The following CNKSR2 variants were observed in gnomAD, a reference collection of about 807,000 sequenced individuals.
CNKSR2 encodes the protein connector enhancer of kinase suppressor of Ras 2.
A neutral mutation model predicts 84.4 loss-of-function variants in CNKSR2; 14 were observed. The ratio of observed to expected loss-of-function variants is 0.17; its 90% CI spans 0.11 to 0.26. The LOEUF is 0.26. Among genes scored for constraint, CNKSR2 ranks in the 10% least tolerant of loss-of-function variants. The probability of loss-of-function intolerance (pLI) is 1.00; values close to 1 mark genes in which losing one functional copy is unlikely to be tolerated. For missense variants in CNKSR2, 485 were observed against 771.2 expected (o/e 0.63, Z 4.40); for synonymous variants, 275 against 277.9 (o/e 0.99, Z 0.10).
intron 20 of CNKSR2, among the ~76,000 whole-genome samples, chrX:21,635,408 G>GTATA (rs1199258753): frequency 2.3e-5 from 2 of 88,515 alleles, no homozygotes; most frequent in African/African-American, 4.8e-5. Context: ...GTGTGTGTGT[G>GTATA]TATATATACA....
chrX:21,462,314 T>C (rs1012820019), intron 4 of CNKSR2, among the ~76,000 whole-genome samples: 1 of 112,286 alleles, frequency 8.9e-6, no homozygotes, highest in Non-Finnish European at 1.9e-5. Context: ...GGGATTATTT[T>C]TGTTTTCTTT....
In CNKSR2 at chrX:21,374,861, T is replaced by C. The variant is rs763974461; in HGVS notation, c.-37T>C. 16 of 1,166,117 alleles carry C rather than the reference T, an allele frequency of 1.4e-5. No individual in the cohort carries two copies. Among genetic ancestry groups the C allele is most frequent in the Admixed American group, 2.2e-5 (1 of 45,975 alleles). The stretch of plus-strand genomic sequence containing the variant: ...CGGGCTGCTGAGTTCGTTTTGTGTC[T>C]GAGCTCTGCGCTCTGCACGGAACCG... On this transcript the variant is annotated 5_prime_UTR_variant, in exon 1 of 22. Transcript: ENST00000379510.
intron 11 of CNKSR2, among the ~76,000 whole-genome samples, chrX:21,549,324 A>G (rs753482593): frequency 2.7e-5 from 3 of 112,009 alleles, no homozygotes; most frequent in Admixed American, 9.4e-5. Context: ...ATTGCTACTA[A>G]GAGAATAAAA....
At chrX:21,501,963 A>G (rs1011039506) in intron 8 of CNKSR2, among the ~76,000 whole-genome samples, 1 of 109,152 alleles carries the variant, frequency 9.2e-6, no homozygotes, top group African/African-American at 3.3e-5. Flanking sequence ...TGAATTACCT[A>G]GTAGATGTTT....
intron 1 of CNKSR2, among the ~76,000 whole-genome samples, chrX:21,418,004 C>A (rs959200361): frequency 1.8e-5 from 2 of 110,966 alleles, no homozygotes; most frequent in Non-Finnish European, 3.8e-5. Flanking sequence ...TCTGTTCTAT[C>A]TTCCTTTTAG....
intron 1 of CNKSR2, among the ~76,000 whole-genome samples, chrX:21,394,888 T>C (rs1261793731): frequency 9.0e-6 from 1 of 111,534 alleles, no homozygotes; most frequent in African/African-American, 3.3e-5. Context: ...TGACTTTTCA[T>C]AGGAAAAACA....
intron 6 of CNKSR2, chrX:21,492,941 G>T (rs992232978): frequency 1.8e-5 from 2 of 111,924 alleles, no homozygotes; most frequent in Non-Finnish European, 3.8e-5. Context: ...ATGAAGGAAA[G>T]AAATAGAAAG....
rs776900578 is a variant in CNKSR2 at position 21,440,770 on chromosome X, A to G, written c.508A>G (p.Ile170Val). The change falls in exon 4 of 22, where the codon ATT becomes GTT. Residue 170 changes from isoleucine to valine, a missense_variant. Coordinates refer to ENST00000379510, the MANE Select transcript of CNKSR2 (RefSeq NM_014927.5). ...VIQLCLELTT[I>V]VQQDCTVYET... ...ACAACTCTGCCTGGAGTTAACAACA[A>G]TTGTGCAACAGGTATTAGCTGACAA... is the stretch of plus-strand genomic sequence containing the variant. The G allele has an allele frequency of 1.7e-6, 2 of 1,159,343 alleles. No individual in the cohort carries two copies. Among genetic ancestry groups the G allele is most frequent in the South Asian group, 1.9e-5 (1 of 53,443 alleles).
At chrX:21,593,077 TATG>T (rs1476923946) in intron 15 of CNKSR2, 1 of 111,024 alleles carries the variant, frequency 9.0e-6, no homozygotes, top group Non-Finnish European at 1.9e-5. Context: ...ATACCTTTAA[TATG>T]ATAATATTTT....
At chrX:21,462,340 G>A (rs760383858) in intron 4 of CNKSR2, among the ~76,000 whole-genome samples, 4 of 111,648 alleles carry the variant, frequency 3.6e-5, no homozygotes, top group East Asian at 2.8e-4. Context: ...ATTTTTCACC[G>A]TTGGTATGTA....
chrX:21,553,937 C>G (rs1481406817), intron 11 of CNKSR2, among the ~76,000 whole-genome samples: 1 of 111,606 alleles, frequency 9.0e-6, no homozygotes, highest in Non-Finnish European at 1.9e-5. Flanking sequence ...TTTATACCAA[C>G]CAGAGCCTTC....
intron 11 of CNKSR2, among the ~76,000 whole-genome samples, chrX:21,557,551 A>C (rs1439741517): frequency 9.0e-6 from 1 of 111,357 alleles, no homozygotes; most frequent in Non-Finnish European, 1.9e-5. Context: ...AACAGATATT[A>C]AAAGCCAAAT....
At chrX:21,490,779 A>C in intron 6 of CNKSR2, 1 of 289,031 alleles carries the variant, frequency 3.5e-6, no homozygotes, top group Non-Finnish European at 5.9e-6. Context: ...AATGAAGGAG[A>C]ATTGAAAATG....
At chrX:21,478,637 A>G (rs1342688067) in intron 5 of CNKSR2, among the ~76,000 whole-genome samples, 1 of 111,607 alleles carries the variant, frequency 9.0e-6, no homozygotes, top group Non-Finnish European at 1.9e-5. Flanking sequence ...GAGTCAAGTG[A>G]GGTAGAATAA....
chrX:21,538,154 G>A lies in CNKSR2; in HGVS notation c.1303+6087G>A, dbSNP rs1034117860. ...TAATGAATTCCCTCAGTCTTTTCTTGTCTGGGAAAGACTTTATTTCTCCTT... is the reference window on the plus strand; with the variant it reads ...TAATGAATTCCCTCAGTCTTTTCTTATCTGGGAAAGACTTTATTTCTCCTT... On this transcript the variant is annotated intron_variant, in intron 11 of 21. Coordinates refer to ENST00000379510, the MANE Select transcript of CNKSR2 (RefSeq NM_014927.5). 2.7e-5 allele frequency: 3 copies of A among 111,266 alleles called. No homozygotes were observed. In the South Asian group the frequency reaches 1.1e-3, roughly 42 times the overall value. The allele number at this position is 111,266 out of a possible 1,213,427, so 9.2% of individuals were successfully genotyped here. A position where few individuals can be genotyped will look rare whatever the true frequency, so the allele number is the denominator to read the frequency against.
At chrX:21,396,226 C>A (rs2090120126) in intron 1 of CNKSR2, among the ~76,000 whole-genome samples, 1 of 110,191 alleles carries the variant, frequency 9.1e-6, no homozygotes, top group Non-Finnish European at 1.9e-5. Flanking sequence ...ATATTAAAAA[C>A]AAAAATTTGA....
intron 17 of CNKSR2, 103 bp from the exon 18 acceptor site, chrX:21,601,179 A>G (rs759115666): frequency 1.7e-5 from 8 of 473,613 alleles, no homozygotes; most frequent in Middle Eastern, 1.2e-3. Flanking sequence ...TATATGTAGG[A>G]TTATTCCGTA....
rs1221955685 is a variant in CNKSR2, at chrX:21,653,481, T to A, written c.*960T>A. On this transcript the variant is annotated 3_prime_UTR_variant, in exon 22 of 22. Transcript: ENST00000379510. The stretch of plus-strand genomic sequence containing the variant: ...TTCCAATTTTCCCCTAGTCCACTAA[T>A]TAAACTTAGGTAATTATACTTCAGG... 3 of 110,644 alleles carry A rather than the reference T, an allele frequency of 2.7e-5. No homozygotes were observed. Among genetic ancestry groups the A allele is most frequent in the Non-Finnish European group, 5.7e-5 (3 of 52,962 alleles). 9.1% of individuals were successfully genotyped at this position (110,644 alleles called of 1,213,427 possible).
At chrX:21,427,087 C>T (rs1344916939) in intron 2 of CNKSR2, 2 of 130,502 alleles carry the variant, frequency 1.5e-5, no homozygotes, top group African/African-American at 6.5e-5. Context: ...AGGATGGCAT[C>T]AGAAATAGAT....
Sources: gnomAD v4.1 joint callset for allele counts (sites outside exome capture counted in the v4.1 genomes callset) on GRCh38, gnomAD v4.1.1 for gene constraint, MANE v1.5 for transcripts, NCBI Gene and HGNC (gene_info 2026-07-23, HGNC 2026-07-21) for gene names.